Variants in XKR4 observed in about 807,000 individuals in gnomAD.
XKR4 encodes the protein XK related 4.
XKR4 carries 12 observed loss-of-function variants against 53.9 expected under a neutral mutation model. The observed-to-expected ratio is 0.22, with a 90% CI of 0.14 to 0.36. The LOEUF (loss-of-function observed/expected upper bound fraction) is 0.36, where lower values mean the gene tolerates loss of function less well. Among genes scored for constraint, XKR4 ranks in the 10% least tolerant of loss-of-function variants. XKR4 has a pLI of 1.00. For synonymous variants in XKR4, 354 were observed against 362.4 expected (o/e 0.98, Z 0.26); for missense variants, 799 against 859.5 (o/e 0.93, Z 0.88).
chr8:55,150,905 A>G (rs1010826701), intron 1 of XKR4, among the ~76,000 whole-genome samples: 2 of 152,236 alleles, frequency 1.3e-5, no homozygotes, highest in African/African-American at 4.8e-5. Context: ...ATTTGTCTAC[A>G]TTTATGTCAG....
intron 1 of XKR4, among the ~76,000 whole-genome samples, chr8:55,170,334 G>A (rs939014176): frequency 6.6e-6 from 1 of 152,268 alleles, no homozygotes; most frequent in East Asian, 1.9e-4. Flanking sequence ...GATTATGTAG[G>A]GGTGTGTTGT....
chr8:55,215,292 G>A (rs1012948223), intron 1 of XKR4, among the ~76,000 whole-genome samples: 1 of 152,148 alleles, frequency 6.6e-6, no homozygotes, highest in African/African-American at 2.4e-5. Flanking sequence ...CTCCTTGGGT[G>A]CATATAGCAT....
Position 55,537,116 on chromosome 8 carries a change from T to C in XKR4, c.*12889T>C, listed in dbSNP as rs1261837411. 4 of 152,222 alleles carry C rather than the reference T, an allele frequency of 2.6e-5. No homozygotes were observed. Among genetic ancestry groups the C allele is most frequent in the African/African-American group, 9.6e-5 (4 of 41,466 alleles). 9.4% of individuals were successfully genotyped at this position (152,222 alleles called of 1,614,324 possible). A position where few individuals can be genotyped will look rare whatever the true frequency, so the allele number is the denominator to read the frequency against. ...TTTTCCCAAAACAAACAAAATACCA[T>C]ACATAGTTTTTTGGGTTTGGTTTGT... On this transcript the variant is annotated 3_prime_UTR_variant, in exon 3 of 3. Coordinates refer to ENST00000327381, the MANE Select transcript of XKR4 (RefSeq NM_052898.2).
intron 1 of XKR4, among the ~76,000 whole-genome samples, chr8:55,304,441 T>C (rs540967823): frequency 1.2e-3 from 184 of 152,220 alleles, no homozygotes; most frequent in Non-Finnish European, 2.2e-3. Flanking sequence ...TTGGAATAGG[T>C]GTGGTGTGGT....
intron 2 of XKR4, among the ~76,000 whole-genome samples, chr8:55,422,832 G>A (rs767605758): frequency 6.6e-6 from 1 of 152,152 alleles, no homozygotes; most frequent in Admixed American, 6.5e-5. Context: ...CATTGCATTC[G>A]TTTAATAAGA....
chr8:55,486,065 AT>A (rs1806186301), intron 2 of XKR4, among the ~76,000 whole-genome samples: 1 of 152,160 alleles, frequency 6.6e-6, no homozygotes, highest in Non-Finnish European at 1.5e-5. Flanking sequence ...TCACATATAA[AT>A]TTTTGCAAGC....
At chr8:55,154,007 C>T (rs1816873593) in intron 1 of XKR4, among the ~76,000 whole-genome samples, 2 of 152,156 alleles carry the variant, frequency 1.3e-5, no homozygotes, top group Non-Finnish European at 2.9e-5. Context: ...GATCTTCCTA[C>T]ACAGTTTCTA....
rs889192524 is a variant in XKR4, at chr8:55,531,397, A to T, written c.*7170A>T. On this transcript the variant is annotated 3_prime_UTR_variant, in exon 3 of 3. Coordinates refer to ENST00000327381, the MANE Select transcript of XKR4 (RefSeq NM_052898.2). ...ATTATTGTCTTATGGGATCGCTGTC[A>T]TATGTGCAGTCTATTATTGACCAAA... 6.6e-6 allele frequency: 1 copy of T among 152,098 alleles called. No individual in the cohort carries two copies. The highest frequency in any genetic ancestry group is 2.1e-4 in the South Asian group (1 of 4,822). 9.4% of individuals were successfully genotyped at this position (152,098 alleles called of 1,614,324 possible). A position where few individuals can be genotyped will look rare whatever the true frequency, so the allele number is the denominator to read the frequency against.
chr8:55,453,605 C>T (rs1479066237), intron 2 of XKR4: 2 of 410,888 alleles, frequency 4.9e-6, no homozygotes, highest in African/African-American at 2.1e-5. Context: ...TAGGGGTGCA[C>T]CTTGCATCTT....
At chr8:55,369,217 G>A (rs969839084) in intron 2 of XKR4, among the ~76,000 whole-genome samples, 3 of 151,696 alleles carry the variant, frequency 2.0e-5, no homozygotes, top group African/African-American at 7.3e-5. Flanking sequence ...AAAGAAATTA[G>A]CCAGGTGTGG....
intron 2 of XKR4, among the ~76,000 whole-genome samples, chr8:55,493,272 T>A (rs186060332): frequency 1.3e-5 from 2 of 152,272 alleles, no homozygotes; most frequent in African/African-American, 2.4e-5. Context: ...GTAATGCCCA[T>A]CTAATTCCTC....
intron 2 of XKR4, among the ~76,000 whole-genome samples, chr8:55,480,657 C>T (rs370888951): frequency 1.4e-3 from 207 of 151,808 alleles, no homozygotes; most frequent in Non-Finnish European, 2.5e-3. Flanking sequence ...AAAACCCCAT[C>T]GTCTCAGCCC....
intron 2 of XKR4, among the ~76,000 whole-genome samples, chr8:55,426,499 T>C (rs137870150): frequency 6.6e-6 from 1 of 152,320 alleles, no homozygotes; most frequent in African/African-American, 2.4e-5. Context: ...TAATAAGTCA[T>C]ATTTAATTAT....
chr8:55,319,417 C>T (rs1803172598), intron 1 of XKR4, among the ~76,000 whole-genome samples: 1 of 152,184 alleles, frequency 6.6e-6, no homozygotes, highest in South Asian at 2.1e-4. Flanking sequence ...AAATATGTCA[C>T]TCTTTTGATG....
At chr8:55,450,729 C>G (rs988113621) in intron 2 of XKR4, 10 of 584,706 alleles carry the variant, frequency 1.7e-5, no homozygotes, top group South Asian at 1.4e-4. Context: ...AGGACAGCCA[C>G]TCCTTCTCCA....
At chr8:55,266,994 A>G (rs559510669) in intron 1 of XKR4, among the ~76,000 whole-genome samples, 9 of 152,330 alleles carry the variant, frequency 5.9e-5, no homozygotes, top group Non-Finnish European at 1.2e-4. Context: ...TTATGCAATG[A>G]CAAGATCAAA....
chr8:55,281,643 A>G (rs563027358), intron 1 of XKR4, among the ~76,000 whole-genome samples: 1 of 152,252 alleles, frequency 6.6e-6, no homozygotes, highest in Non-Finnish European at 1.5e-5. Flanking sequence ...GTTGTAACTC[A>G]TTCCACATTT....
intron 1 of XKR4, among the ~76,000 whole-genome samples, chr8:55,173,133 C>T (rs1442812106): frequency 2.0e-5 from 3 of 151,914 alleles, no homozygotes; most frequent in Non-Finnish European, 4.4e-5. Flanking sequence ...AGCTGTCCTG[C>T]CCCCGATCTC....
chr8:55,197,392 A>G (rs1273156107), intron 1 of XKR4, among the ~76,000 whole-genome samples: 1 of 152,188 alleles, frequency 6.6e-6, no homozygotes, highest in African/African-American at 2.4e-5. Flanking sequence ...TGCTTGCGAA[A>G]AGTGGATTTT....
Sources: gnomAD v4.1 joint callset for allele counts (sites outside exome capture counted in the v4.1 genomes callset) on GRCh38, gnomAD v4.1.1 for gene constraint, MANE v1.5 for transcripts, NCBI Gene and HGNC (gene_info 2026-07-23, HGNC 2026-07-21) for gene names.